LRRC63: variants seen among roughly 807,000 people sequenced by gnomAD.
The protein encoded by LRRC63 is leucine-rich repeat-containing protein 63.
In LRRC63, 40 loss-of-function variants were observed where a neutral mutation model predicts 49.5. The observed-to-expected ratio is 0.81, with a 90% CI of 0.63 to 1.05. The LOEUF is 1.05. LRRC63 is among the 50% of genes least tolerant of loss of function. The pLI is 0.00. For synonymous variants in LRRC63, 191 were observed against 221.1 expected, an observed-to-expected ratio of 0.86 and a Z score of 1.21; for missense variants, 636 against 663.1, an observed-to-expected ratio of 0.96 and a Z score of 0.45.
chr13:46,270,142 C>T, intron 9 of LRRC63: 1 of 710,774 alleles, frequency 1.4e-6, no homozygotes, highest in African/African-American at 1.7e-5. Context: ...ACTTCACTCG[C>T]TGGTACAAAG....
At chr13:46,269,501 T>A (rs188436273) in intron 9 of LRRC63, among the ~76,000 whole-genome samples, 192 of 151,002 alleles carry the variant, frequency 1.3e-3, no homozygotes, top group Non-Finnish European at 1.9e-3. Flanking sequence ...CAGCTATATA[T>A]ATGTCACCAT....
At chr13:46,274,718 CT>C (rs1566517345) in intron 9 of LRRC63, among the ~76,000 whole-genome samples, 2 of 152,050 alleles carry the variant, frequency 1.3e-5, no homozygotes, top group South Asian at 2.1e-4. Context: ...TTATTTTTTT[CT>C]TTTATTTTTA....
At chr13:46,252,437 A>G (rs1408968032) in intron 7 of LRRC63, among the ~76,000 whole-genome samples, 2 of 152,076 alleles carry the variant, frequency 1.3e-5, no homozygotes, top group African/African-American at 4.8e-5. Context: ...GCACTGATAC[A>G]CTTTGAATGT....
At chr13:46,244,910 T>A (rs1306561525) in intron 5 of LRRC63, among the ~76,000 whole-genome samples, 1 of 152,108 alleles carries the variant, frequency 6.6e-6, no homozygotes, top group Non-Finnish European at 1.5e-5. Flanking sequence ...ATAAAAAAAA[T>A]AGAGATTGTC....
At chr13:46,227,395 A>G in intron 2 of LRRC63, 117 bp from the exon 3 acceptor site, 1 of 701,944 alleles carries the variant, frequency 1.4e-6, no homozygotes, top group Non-Finnish European at 2.2e-6. Flanking sequence ...TGTATACAGA[A>G]ACATTTTTAG....
At chr13:46,219,669 G>T (rs1230438) in intron 2 of LRRC63, among the ~76,000 whole-genome samples, 1 of 151,936 alleles carries the variant, frequency 6.6e-6, no homozygotes, top group East Asian at 1.9e-4. Flanking sequence ...ATCCTTTGGA[G>T]GAGAAGAGGC....
chr13:46,254,679 G>A lies in LRRC63; in HGVS notation c.1226+4188G>A, dbSNP rs544243719. Among the ~76,000 whole-genome samples the A allele has an allele frequency of 2.0e-5, 3 of 152,306 alleles. No individual in the cohort carries two copies. In the East Asian group the frequency reaches 5.8e-4, roughly 29 times the overall value. ...GAAAAGAAGTTTTAAAGAAAGTTGTGATGATTTAGTGTTGATATTGAGAGG... is the reference window on the plus strand; with the variant it reads ...GAAAAGAAGTTTTAAAGAAAGTTGTAATGATTTAGTGTTGATATTGAGAGG... On this transcript the variant is annotated intron_variant, in intron 7 of 9. Transcript: ENST00000595396.
At chr13:46,212,079 G>A (rs1234521684) in exon 1 of LRRC63, 1 of 152,344 alleles carries the variant, frequency 6.6e-6, no homozygotes, top group Non-Finnish European at 1.5e-5. Flanking sequence ...CCGAGGAAAA[G>A]GAGATAGGAG....
At chr13:46,250,428 A>G in exon 7 of LRRC63, 1 of 1,535,648 alleles carries the variant, frequency 6.5e-7, no homozygotes, top group Non-Finnish European at 8.8e-7. Flanking sequence ...TCTGAAATTC[A>G]ACAACTTGAG....
chr13:46,261,830 C>T, intron 7 of LRRC63, 79 bp from the exon 8 acceptor site: 3 of 406,238 alleles, frequency 7.4e-6, no homozygotes, highest in Non-Finnish European at 1.3e-5. Context: ...TATACTCCTG[C>T]CTACTTACTC....
chr13:46,224,271 T>C (rs1269377793), intron 2 of LRRC63, among the ~76,000 whole-genome samples: 1 of 152,196 alleles, frequency 6.6e-6, no homozygotes, highest in Admixed American at 6.5e-5. Flanking sequence ...TCTTTATTTT[T>C]GTCTGACTGG....
At chr13:46,222,082 T>C (rs1175441983) in intron 2 of LRRC63, among the ~76,000 whole-genome samples, 2 of 152,238 alleles carry the variant, frequency 1.3e-5, no homozygotes, top group Admixed American at 1.3e-4. Flanking sequence ...TCATTGTGGT[T>C]TAATTTGTAT....
intron 5 of LRRC63, among the ~76,000 whole-genome samples, chr13:46,240,414 A>T (rs534017604): frequency 1.3e-5 from 2 of 152,246 alleles, no homozygotes; most frequent in African/African-American, 4.8e-5. Flanking sequence ...GGTGTGAGCC[A>T]CCGCGCCCGG....
At chr13:46,215,629 A>AT (rs1237270425) in intron 2 of LRRC63, among the ~76,000 whole-genome samples, 9 of 151,844 alleles carry the variant, frequency 5.9e-5, no homozygotes, top group Middle Eastern at 6.8e-3. Context: ...ACTAGATCCC[A>AT]TTTTGTCAGT....
chr13:46,251,204 A>T (rs566187738), intron 7 of LRRC63, among the ~76,000 whole-genome samples: 1 of 152,014 alleles, frequency 6.6e-6, no homozygotes, highest in African/African-American at 2.4e-5. Context: ...GTAATTAAGG[A>T]AGTGCATCCA....
chr13:46,277,049 T>A (rs1173571880), exon 10 of LRRC63: 1 of 151,996 alleles, frequency 6.6e-6, no homozygotes. Context: ...TTGGGAATTG[T>A]TGCAGAATAA....
chr13:46,219,877 T>A (rs774028456), intron 2 of LRRC63, among the ~76,000 whole-genome samples: 1 of 152,222 alleles, frequency 6.6e-6, no homozygotes, highest in Non-Finnish European at 1.5e-5. Context: ...GCAGGTCTGC[T>A]GGAGTTTGCT....
chr13:46,257,379 A>G (rs1004711890), intron 7 of LRRC63, among the ~76,000 whole-genome samples: 2 of 149,348 alleles, frequency 1.3e-5, no homozygotes, highest in Non-Finnish European at 2.9e-5. Flanking sequence ...CTATATAACT[A>G]TAATTAATAA....
At position 46,270,632 on chromosome 13, in the gene LRRC63, T is replaced by C. The variant is rs754957636; in HGVS notation, c.1550+3660T>C. ...AACAGTGACGTCATGAGGACTGACATGGAGCAAAAAGCAAAGTGGGATTCT... is the reference window on the plus strand; with the variant it reads ...AACAGTGACGTCATGAGGACTGACACGGAGCAAAAAGCAAAGTGGGATTCT... On this transcript the variant is annotated intron_variant, in intron 9 of 9. Transcript: ENST00000595396. 2.4e-5 allele frequency: 20 copies of C among 817,950 alleles called. No homozygotes were observed. The East Asian group carries it at 4.1e-4, about 17-fold the overall frequency. 50.7% of individuals were successfully genotyped at this position (817,950 alleles called of 1,614,324 possible). A position where few individuals can be genotyped will look rare whatever the true frequency, so the allele number is the denominator to read the frequency against.
Sources: gnomAD v4.1 joint callset for allele counts (sites outside exome capture counted in the v4.1 genomes callset) on GRCh38, gnomAD v4.1.1 for gene constraint, MANE v1.5 for transcripts, NCBI Gene and HGNC (gene_info 2026-07-23, HGNC 2026-07-21) for gene names.